The following TOR1AIP2 variants were observed in gnomAD, a reference collection of about 807,000 sequenced individuals.
TOR1AIP2 encodes the protein torsin-1A-interacting protein 2.
In TOR1AIP2, 20 loss-of-function variants were observed where a neutral mutation model predicts 32.6. The observed-to-expected ratio is 0.61, with a 90% CI of 0.43 to 0.89. The LOEUF is 0.89. TOR1AIP2 is among the 40% of genes least tolerant of loss of function. TOR1AIP2 has a pLI of 0.00. For missense variants in TOR1AIP2, 456 were observed against 553.8 expected (o/e 0.82, Z 1.77); for synonymous variants, 214 against 210.8 (o/e 1.02, Z -0.13).
intron 2 of TOR1AIP2, among the ~76,000 whole-genome samples, chr1:179,873,234 C>T (rs1697078040): frequency 6.6e-6 from 1 of 152,034 alleles, no homozygotes; most frequent in African/African-American, 2.4e-5. Flanking sequence ...GCTATGTTGC[C>T]TAGGCTGGTC....
At position 179,846,544 on chromosome 1, in the gene TOR1AIP2, G is replaced by T; in HGVS notation, c.940C>A (p.His314Asn). The stretch of plus-strand genomic sequence containing the variant: ...GAAGAGGTGTAGGCATCTGCAACAT[G>T]GTGGCTCAGGCACTTCAGGGTCTCT... Reference protein sequence around the residue: ...GRETLKCLSHHVADAYTSSQK... With the variant: ...GRETLKCLSHNVADAYTSSQK... The change falls in exon 7 of 7, where the codon CAT becomes AAT. Residue 314 changes from histidine to asparagine, a missense_variant. Transcript: ENST00000609928. 6.2e-7 allele frequency: 1 copy of T among 1,614,130 alleles called. No homozygotes were observed.
rs1186419219 is a variant in TOR1AIP2, at chr1:179,840,415, G to C, written c.*5656C>G. 1 of 152,172 alleles carries C rather than the reference G, an allele frequency of 6.6e-6. No homozygotes were observed. The highest frequency in any genetic ancestry group is 2.4e-5 in the African/African-American group (1 of 41,426). The allele number at this position is 152,172 out of a possible 1,614,324, so 9.4% of individuals were successfully genotyped here. A position where few individuals can be genotyped will look rare whatever the true frequency, so the allele number is the denominator to read the frequency against. On this transcript the variant is annotated 3_prime_UTR_variant, in exon 7 of 7. Coordinates refer to ENST00000609928, the MANE Select transcript of TOR1AIP2 (RefSeq NM_001199260.2). ...TTCATGTAACTGCGCTTAGCCAAAG[G>C]CAAATTTAGTTTATAAGCCTCAGTG...
intron 3 of TOR1AIP2, among the ~76,000 whole-genome samples, chr1:179,857,046 C>A (rs1162057351): frequency 6.6e-6 from 1 of 152,240 alleles, no homozygotes; most frequent in African/African-American, 2.4e-5. Context: ...AGACTTTCTA[C>A]AGCTGTAGGG....
At chr1:179,848,806 G>C (rs775383261) in intron 5 of TOR1AIP2, among the ~76,000 whole-genome samples, 3 of 152,244 alleles carry the variant, frequency 2.0e-5, no homozygotes, top group Non-Finnish European at 4.4e-5. Context: ...AAGGTCCAGG[G>C]ATATTAAAGA....
intron 3 of TOR1AIP2, among the ~76,000 whole-genome samples, chr1:179,858,444 A>G (rs1279266889): frequency 6.6e-6 from 1 of 152,158 alleles, no homozygotes; most frequent in Non-Finnish European, 1.5e-5. Context: ...AAAAAATAAA[A>G]ACATCTGAGG....
intron 2 of TOR1AIP2, chr1:179,876,277 T>C (rs1253830121): frequency 2.0e-5 from 3 of 152,208 alleles, no homozygotes; most frequent in African/African-American, 7.2e-5. Flanking sequence ...CAATACATTA[T>C]TAAAACACCC....
At chr1:179,861,637 T>C (rs1321975473) in intron 3 of TOR1AIP2, 1 of 985,472 alleles carries the variant, frequency 1.0e-6, no homozygotes, top group Non-Finnish European at 1.2e-6. Context: ...GGCTGAGTTA[T>C]GACCTAAATT....
chr1:179,857,395 G>A (rs1285270956), intron 3 of TOR1AIP2, among the ~76,000 whole-genome samples: 1 of 152,122 alleles, frequency 6.6e-6, no homozygotes, highest in Non-Finnish European at 1.5e-5. Flanking sequence ...TCCATTTATG[G>A]AGAACCTACT....
chr1:179,867,082 A>G (rs952623377), intron 2 of TOR1AIP2, among the ~76,000 whole-genome samples: 4 of 152,236 alleles, frequency 2.6e-5, no homozygotes, highest in African/African-American at 9.7e-5. Flanking sequence ...AAGGAATTAT[A>G]GCCTTAGTTG....
chr1:179,866,507 G>A (rs1437424483), intron 2 of TOR1AIP2, among the ~76,000 whole-genome samples: 1 of 152,138 alleles, frequency 6.6e-6, no homozygotes. Flanking sequence ...CCGCCTCCTG[G>A]GTTCAAGCGA....
At chr1:179,860,847 C>A (rs925537660) in intron 3 of TOR1AIP2, 2 of 985,398 alleles carry the variant, frequency 2.0e-6, no homozygotes, top group Non-Finnish European at 2.4e-6. Context: ...GAGAGATGAA[C>A]GGGCTGCGGC....
chr1:179,876,820 A>C (rs956754839), intron 2 of TOR1AIP2, among the ~76,000 whole-genome samples: 2 of 152,208 alleles, frequency 1.3e-5, no homozygotes, highest in African/African-American at 4.8e-5. Flanking sequence ...CTGATAATTA[A>C]GCATTACTCA....
Position 179,844,418 on chromosome 1 carries a change from A to C in TOR1AIP2, c.*1653T>G, listed in dbSNP as rs1469974114. 1 of 152,194 alleles carries C rather than the reference A, an allele frequency of 6.6e-6. No individual in the cohort carries two copies. Among genetic ancestry groups the C allele is most frequent in the Non-Finnish European group, 1.5e-5 (1 of 68,034 alleles). 9.4% of individuals were successfully genotyped at this position (152,194 alleles called of 1,614,324 possible). On this transcript the variant is annotated 3_prime_UTR_variant, in exon 7 of 7. Transcript: ENST00000609928. ...CCTAAAATCTTTCCATACTTTAATCAGACTTCTTAGCTATATACATATGAT... is the reference window on the plus strand; with the variant it reads ...CCTAAAATCTTTCCATACTTTAATCCGACTTCTTAGCTATATACATATGAT...
intron 5 of TOR1AIP2, among the ~76,000 whole-genome samples, chr1:179,847,985 A>G (rs1054724190): frequency 4.0e-5 from 6 of 150,650 alleles, no homozygotes; most frequent in Admixed American, 1.3e-4. Context: ...GTGAGCCGAC[A>G]TCGTGCCACT....
At chr1:179,847,505 A>G (rs1695955224) in intron 6 of TOR1AIP2, 30 bp downstream of exon 6, 1 of 1,422,908 alleles carries the variant, frequency 7.0e-7, no homozygotes, top group African/African-American at 1.4e-5. Flanking sequence ...AAGTGAATCA[A>G]CACTGCAGTA....
chr1:179,850,327 T>C (rs1148816), intron 5 of TOR1AIP2, among the ~76,000 whole-genome samples: 10,430 of 152,162 alleles, frequency 0.069, 464 homozygotes, highest in African/African-American at 0.12. Context: ...TCTTAACATA[T>C]AGGCAGAAAA....
intron 2 of TOR1AIP2, chr1:179,873,725 T>A (rs193004042): frequency 6.6e-6 from 1 of 152,234 alleles, no homozygotes; most frequent in Admixed American, 6.5e-5. Flanking sequence ...AATTCTTCTG[T>A]TAGAGTTGTC....
Position 179,845,701 on chromosome 1 carries a change from G to C in TOR1AIP2, c.*370C>G, listed in dbSNP as rs754174435. 1.2e-5 allele frequency: 2 copies of C among 167,432 alleles called. No homozygotes were observed. The highest frequency in any genetic ancestry group is 1.2e-4 in the Admixed American group (2 of 16,244). The allele number at this position is 167,432 out of a possible 1,614,324, so 10.4% of individuals were successfully genotyped here. Reference sequence around the variant, plus strand: ...TCCAAGTCCAAACATTATCGAAAAGGTTCTTCAGAGTCTCACTCAAGAAAA... The same window carrying C: ...TCCAAGTCCAAACATTATCGAAAAGCTTCTTCAGAGTCTCACTCAAGAAAA... On this transcript the variant is annotated 3_prime_UTR_variant, in exon 7 of 7. Transcript: ENST00000609928.
intron 3 of TOR1AIP2, chr1:179,861,191 C>T: frequency 1.0e-6 from 1 of 985,416 alleles, no homozygotes; most frequent in Non-Finnish European, 1.2e-6. Flanking sequence ...ACGAGTGTAG[C>T]TCACACTATT....
Sources: gnomAD v4.1 joint callset for allele counts (sites outside exome capture counted in the v4.1 genomes callset) on GRCh38, gnomAD v4.1.1 for gene constraint, MANE v1.5 for transcripts, NCBI Gene and HGNC (gene_info 2026-07-23, HGNC 2026-07-21) for gene names.